CDK15: variants seen among roughly 807,000 people sequenced by gnomAD.
CDK15 encodes cyclin-dependent kinase 15.
In CDK15, 62 loss-of-function variants were observed where a neutral mutation model predicts 60.3. The observed-to-expected ratio is 1.03, with a 90% CI of 0.84 to 1.27. CDK15 has a LOEUF of 1.27. CDK15 is among the 50% of genes most tolerant of loss of function. CDK15 has a pLI of 0.00. For missense variants in CDK15, 541 were observed against 527.8 expected, an observed-to-expected ratio of 1.03 and a Z score of -0.25; for synonymous variants, 194 against 195.7, an observed-to-expected ratio of 0.99 and a Z score of 0.07.
At chr2:201,807,798 A>C in intron 2 of CDK15, 60 bp from the exon 3 acceptor site, 3 of 1,561,272 alleles carry the variant, frequency 1.9e-6, no homozygotes, top group Non-Finnish European at 2.6e-6. Context: ...CAACACTAAA[A>C]AAAAGTGTTC....
At position 201,862,271 on chromosome 2, in the gene CDK15, C is replaced by T. The variant is rs1261012739; in HGVS notation, c.1009+7334C>T. 2.0e-5 allele frequency among the ~76,000 whole-genome samples: 3 copies of T among 152,332 alleles called. No individual in the cohort carries two copies. The East Asian group carries it at 5.8e-4, about 29-fold the overall frequency. On this transcript the variant is annotated intron_variant, in intron 10 of 13. Coordinates refer to ENST00000652192, the MANE Select transcript of CDK15 (RefSeq NM_001366386.2). ...GTATCTAGTAAGGGCTACTAAATCA[C>T]AGACAACATTAGTGTTACCATTGTT...
chr2:201,813,860 C>T (rs967367569), intron 4 of CDK15, among the ~76,000 whole-genome samples: 8 of 152,126 alleles, frequency 5.3e-5, no homozygotes, highest in Admixed American at 3.3e-4. Flanking sequence ...ATTGGTTTAG[C>T]CAGAGATTCA....
At chr2:201,841,430 A>G (rs1269451613) in intron 8 of CDK15, among the ~76,000 whole-genome samples, 2 of 152,180 alleles carry the variant, frequency 1.3e-5, no homozygotes. Flanking sequence ...TGAGCTCACT[A>G]TATTTGTTTA....
intron 11 of CDK15, chr2:201,876,697 G>A: frequency 1.3e-5 from 7 of 530,514 alleles, no homozygotes; most frequent in South Asian, 9.3e-5. Flanking sequence ...GGTTCTGTTG[G>A]TTGAAATGGA....
intron 11 of CDK15, among the ~76,000 whole-genome samples, chr2:201,877,732 A>C (rs6708814): frequency 0.89 from 135,542 of 152,148 alleles, 60,498 homozygotes; most frequent in East Asian, 1. Context: ...AGACTTCTAC[A>C]CAATTCCTTT....
intron 4 of CDK15, among the ~76,000 whole-genome samples, chr2:201,815,185 A>T (rs1695937681): frequency 6.6e-6 from 1 of 152,158 alleles, no homozygotes; most frequent in African/African-American, 2.4e-5. Context: ...TCCTGACCTC[A>T]AGTGATCTGC....
In CDK15 at chr2:201,823,733, T is replaced by A; in HGVS notation, c.606+6T>A. On this transcript the variant is annotated splice_donor_region_variant and intron_variant, in intron 6 of 13. Transcript: ENST00000652192. ...TTCATCCTCATAATGTCAGAGTGAG[T>A]ACGTTAAGGGTCAGGACCCTCTCCT... 1 of 1,613,012 alleles carries A rather than the reference T, an allele frequency of 6.2e-7. No homozygotes were observed. Among genetic ancestry groups the A allele is most frequent in the South Asian group, 1.1e-5 (1 of 91,072 alleles).
chr2:201,829,438 C>A (rs1037269654), intron 6 of CDK15, among the ~76,000 whole-genome samples: 1 of 152,014 alleles, frequency 6.6e-6, no homozygotes, highest in Admixed American at 6.6e-5. Flanking sequence ...CAAGAGTCAG[C>A]GATATTTTTT....
rs773075862 is a variant in CDK15, at chr2:201,833,938, A to G, written c.697A>G (p.Ser233Gly). The G allele has an allele frequency of 4.3e-6, 7 of 1,613,930 alleles. No homozygotes were observed. Among genetic ancestry groups the G allele is most frequent in the Non-Finnish European group, 5.9e-6 (7 of 1,179,938 alleles). ...RDLKPQNLLI[S>G]HLGELKLADF... ...CCTGAAACCTCAGAACTTACTCATC[A>G]GTCACCTGGGAGAGCTCAAACTGGC... The change falls in exon 7 of 14, where the codon AGT becomes GGT. Residue 233 changes from serine to glycine, a missense_variant. Transcript: ENST00000652192.
chr2:201,828,708 C>A (rs1696617906), intron 6 of CDK15, among the ~76,000 whole-genome samples: 1 of 152,134 alleles, frequency 6.6e-6, no homozygotes, highest in Non-Finnish European at 1.5e-5. Context: ...TGGGAAGGGG[C>A]ACAGAGCATC....
At chr2:201,824,302 TTAAAA>T (rs1696365951) in intron 6 of CDK15, among the ~76,000 whole-genome samples, 1 of 152,252 alleles carries the variant, frequency 6.6e-6, no homozygotes, top group African/African-American at 2.4e-5. Context: ...TGATTGGCTC[TTAAAA>T]TAACCGTATG....
Position 201,839,526 on chromosome 2 carries a change from T to C in CDK15, c.851+3763T>C, listed in dbSNP as rs185056900. On this transcript the variant is annotated intron_variant, in intron 8 of 13. Coordinates refer to ENST00000652192, the MANE Select transcript of CDK15 (RefSeq NM_001366386.2). ...ATTAGATAGGGGTATTGGATGAATG[T>C]TAAATTTCCTGATTTTGATAATTGC... Among the ~76,000 whole-genome samples, 64 of 152,280 alleles carry C rather than the reference T, an allele frequency of 4.2e-4. 1 individual carries two copies. Among genetic ancestry groups the C allele is most frequent in the Admixed American group, 3.4e-3 (52 of 15,302 alleles).
intron 4 of CDK15, among the ~76,000 whole-genome samples, chr2:201,813,533 T>A (rs1401914806): frequency 1.3e-5 from 2 of 152,178 alleles, no homozygotes; most frequent in Admixed American, 1.3e-4. Flanking sequence ...ATATGCAGAG[T>A]ATGCTGCTGG....
chr2:201,867,087 T>G (rs1053539780), intron 10 of CDK15, among the ~76,000 whole-genome samples: 1 of 152,218 alleles, frequency 6.6e-6, no homozygotes, highest in African/African-American at 2.4e-5. Context: ...TCCCTTGTCA[T>G]GCTTCCTCTC....
intron 8 of CDK15, among the ~76,000 whole-genome samples, chr2:201,840,929 A>C (rs149916513): frequency 1.3e-5 from 2 of 152,088 alleles, no homozygotes; most frequent in Non-Finnish European, 2.9e-5. Flanking sequence ...CATGTCTTTC[A>C]TCAGCCATTT....
chr2:201,830,544 T>A (rs1358773374), intron 6 of CDK15, among the ~76,000 whole-genome samples: 1 of 152,128 alleles, frequency 6.6e-6, no homozygotes, highest in Non-Finnish European at 1.5e-5. Context: ...AATGGCAAGA[T>A]CTAGTGTGTG....
At chr2:201,850,754 A>G (rs1197737802) in intron 9 of CDK15, among the ~76,000 whole-genome samples, 1 of 152,176 alleles carries the variant, frequency 6.6e-6, no homozygotes, top group South Asian at 2.1e-4. Context: ...CATGCCCACC[A>G]TCAGTGTGCA....
chr2:201,824,834 G>T, intron 6 of CDK15: 1 of 589,428 alleles, frequency 1.7e-6, no homozygotes, highest in South Asian at 3.5e-5. Flanking sequence ...TACAGCAATT[G>T]ATCAAAAAGA....
intron 6 of CDK15, among the ~76,000 whole-genome samples, chr2:201,831,880 G>T (rs935914923): frequency 1.3e-5 from 2 of 152,070 alleles, no homozygotes; most frequent in Non-Finnish European, 2.9e-5. Context: ...TCTTGGCTCT[G>T]ACTATTCCTA....
Sources: gnomAD v4.1 joint callset for allele counts (sites outside exome capture counted in the v4.1 genomes callset) on GRCh38, gnomAD v4.1.1 for gene constraint, MANE v1.5 for transcripts, NCBI Gene and HGNC (gene_info 2026-07-23, HGNC 2026-07-21) for gene names.